The following SLC23A2 variants were observed in gnomAD, a reference collection of about 807,000 sequenced individuals.
SLC23A2 encodes the protein Na(+)/L-ascorbic acid transporter 2.
SLC23A2 carries 36 observed loss-of-function variants against 73.3 expected under a neutral mutation model. That is an observed-to-expected ratio of 0.49 (90% confidence interval 0.38 to 0.65). The LOEUF (loss-of-function observed/expected upper bound fraction) is 0.65, where lower values mean the gene tolerates loss of function less well. Among genes scored for constraint, SLC23A2 ranks in the 30% least tolerant of loss-of-function variants. The pLI, the probability that SLC23A2 is intolerant of heterozygous loss-of-function variation, is 0.00. For missense variants in SLC23A2, 507 were observed against 841.6 expected, an observed-to-expected ratio of 0.60 and a Z score of 4.92; for synonymous variants, 343 against 327.3, an observed-to-expected ratio of 1.05 and a Z score of -0.52.
chr20:4,871,769 C>T (rs535974342), intron 11 of SLC23A2, among the ~76,000 whole-genome samples: 1 of 152,242 alleles, frequency 6.6e-6, no homozygotes, highest in African/African-American at 2.4e-5. Context: ...GCCTGCTCAA[C>T]GTATCAGCTC....
chr20:4,986,172 C>A (rs1327799287), intron 1 of SLC23A2, among the ~76,000 whole-genome samples: 2 of 152,004 alleles, frequency 1.3e-5, no homozygotes, highest in Non-Finnish European at 2.9e-5. Flanking sequence ...AGTACACGGC[C>A]TAAAAGGTTA....
Position 4,874,030 on chromosome 20 carries a change from G to A in SLC23A2, c.1008C>T (p.Phe336=), listed in dbSNP as rs1318448630. The part of the protein sequence containing the change: ...LCFIFTVTDV[F]PPDSTKYGFY... ...AGCCATACTTTGTGCTGTCGGGAGG[G>A]AAGACATCTGTCACCGTGAAGATGA... Residue 336 remains phenylalanine (F), a synonymous_variant, in exon 11 of 17, where the codon TTC becomes TTT. Transcript: ENST00000338244. 1 of 1,614,044 alleles carries A rather than the reference G, an allele frequency of 6.2e-7. No homozygotes were observed. Among genetic ancestry groups the A allele is most frequent in the Non-Finnish European group, 8.5e-7 (1 of 1,180,006 alleles).
intron 1 of SLC23A2, among the ~76,000 whole-genome samples, chr20:4,992,604 G>A (rs778637291): frequency 8.7e-5 from 13 of 149,412 alleles, no homozygotes; most frequent in East Asian, 2.0e-4. Context: ...TCCACCTCCC[G>A]GGTTCGAGTG....
At chr20:4,913,456 T>C (rs1932226028) in intron 3 of SLC23A2, among the ~76,000 whole-genome samples, 1 of 152,174 alleles carries the variant, frequency 6.6e-6, no homozygotes. Flanking sequence ...TGCCAGCCAG[T>C]AGCAAGAGCC....
At chr20:4,878,195 C>CT (rs201124564) in intron 9 of SLC23A2, among the ~76,000 whole-genome samples, 149 of 150,876 alleles carry the variant, frequency 9.9e-4, no homozygotes, top group African/African-American at 2.6e-3. Flanking sequence ...ATTTTCCCAG[C>CT]TTTTTTTTTG....
At chr20:4,968,207 G>A (rs2087505099) in intron 2 of SLC23A2, among the ~76,000 whole-genome samples, 3 of 152,186 alleles carry the variant, frequency 2.0e-5, no homozygotes, top group African/African-American at 7.2e-5. Context: ...GAAGTTGTCA[G>A]GAATGACTTT....
chr20:4,929,766 A>T (rs1449302270), intron 3 of SLC23A2, among the ~76,000 whole-genome samples: 1 of 152,244 alleles, frequency 6.6e-6, no homozygotes, highest in Non-Finnish European at 1.5e-5. Context: ...GTATACAAAA[A>T]ATAAGTAAAC....
intron 2 of SLC23A2, among the ~76,000 whole-genome samples, chr20:4,943,903 G>A (rs1323576751): frequency 1.3e-5 from 2 of 152,246 alleles, no homozygotes; most frequent in South Asian, 2.1e-4. Context: ...CAGACATTTC[G>A]TTAAAGCAGC....
At position 4,870,020 on chromosome 20, in the gene SLC23A2, CCGGCCGCAGACA is replaced by C; in HGVS notation, c.1124_1135del (p.Val375_Ala378del). On this transcript the variant is annotated inframe_deletion, in exon 12 of 17. Transcript: ENST00000338244. ...CACGGCACTGAGCATGCCGATGACA[CCGGCCGCAGACA>C]CGGTGGGCAGTCCCCACTGAACTGT... The C allele has an allele frequency of 1.9e-6, 3 of 1,612,522 alleles. No individual in the cohort carries two copies. Among genetic ancestry groups the C allele is most frequent in the Non-Finnish European group, 2.5e-6 (3 of 1,179,178 alleles).
intron 1 of SLC23A2, among the ~76,000 whole-genome samples, chr20:4,993,330 C>T (rs1600214572): frequency 1.4e-5 from 2 of 143,176 alleles, no homozygotes; most frequent in African/African-American, 5.1e-5. Flanking sequence ...AAAGGAAACG[C>T]TCACTGAAGC....
chr20:4,990,739 G>A (rs992955248), intron 1 of SLC23A2, among the ~76,000 whole-genome samples: 12 of 150,986 alleles, frequency 7.9e-5, no homozygotes, highest in Non-Finnish European at 1.6e-4. Context: ...TCCCAGCACT[G>A]TTGGAGGCCA....
intron 1 of SLC23A2, among the ~76,000 whole-genome samples, chr20:4,975,478 T>C (rs1183699775): frequency 4.6e-5 from 7 of 152,044 alleles, no homozygotes; most frequent in Admixed American, 1.3e-4. Context: ...CATCCCGGGT[T>C]CAAGCCATTC....
intron 1 of SLC23A2, among the ~76,000 whole-genome samples, chr20:4,976,986 T>A (rs2087652497): frequency 1.3e-5 from 2 of 151,542 alleles, no homozygotes; most frequent in Non-Finnish European, 2.9e-5. Context: ...AAAAAAAAAA[T>A]AACAAAAATG....
chr20:4,964,391 C>T lies in SLC23A2; in HGVS notation c.-155+6402G>A, dbSNP rs888976650. Among the ~76,000 whole-genome samples, 8 of 152,068 alleles carry T rather than the reference C, an allele frequency of 5.3e-5. No individual in the cohort carries two copies. The South Asian group carries it at 8.3e-4, about 16-fold the overall frequency. On this transcript the variant is annotated intron_variant, in intron 2 of 16. Coordinates refer to ENST00000338244, the MANE Select transcript of SLC23A2 (RefSeq NM_005116.6). ...CAATTTTACTCTTAAGGAATTTATC[C>T]TAGCAAAATAATTAAAACAGGCTTA...
intron 6 of SLC23A2, among the ~76,000 whole-genome samples, chr20:4,891,961 C>T (rs1020572885): frequency 2.0e-5 from 3 of 151,902 alleles, no homozygotes; most frequent in Non-Finnish European, 4.4e-5. Flanking sequence ...CTTATGTTGC[C>T]CAGGCTGGTC....
intron 4 of SLC23A2, among the ~76,000 whole-genome samples, chr20:4,909,785 G>A (rs915871837): frequency 9.9e-5 from 15 of 151,948 alleles, no homozygotes; most frequent in African/African-American, 3.6e-4. Context: ...TCAAACTCCT[G>A]AGCTCAGGCA....
At chr20:4,986,528 G>T (rs924468917) in intron 1 of SLC23A2, among the ~76,000 whole-genome samples, 1 of 151,918 alleles carries the variant, frequency 6.6e-6, no homozygotes, top group Admixed American at 6.6e-5. Flanking sequence ...TGGCTAAACT[G>T]TTCTTGAACT....
In SLC23A2 at chr20:4,856,275, C is replaced by A. The variant is rs1391460230; in HGVS notation, c.*697G>T. 1 of 152,302 alleles carries A rather than the reference C, an allele frequency of 6.6e-6. No individual in the cohort carries two copies. Among genetic ancestry groups the A allele is most frequent in the African/African-American group, 2.4e-5 (1 of 41,518 alleles). The allele number at this position is 152,302 out of a possible 1,614,324, so 9.4% of individuals were successfully genotyped here. A position where few individuals can be genotyped will look rare whatever the true frequency, so the allele number is the denominator to read the frequency against. ...TGTGCACGTGCTGGCCCGGTCAGGG[C>A]CAGGGTGGCCAAGAGAAGGTGCAGC... On this transcript the variant is annotated 3_prime_UTR_variant, in exon 17 of 17. Transcript: ENST00000338244. This position sits in a 1 kb window ranked among gnomAD's most constrained non-coding sequence, Gnocchi z 4.6.
At position 4,934,842 on chromosome 20, in the gene SLC23A2, A is replaced by G. The variant is rs1192960727; in HGVS notation, c.-154-2126T>C. 4.0e-5 allele frequency among the ~76,000 whole-genome samples: 6 copies of G among 149,116 alleles called. No individual in the cohort carries two copies. In the East Asian group the frequency reaches 8.1e-4, roughly 20 times the overall value. On this transcript the variant is annotated intron_variant, in intron 2 of 16. Transcript: ENST00000338244. ...TGCGCCATTGTACTCCAGCCTGGGC[A>G]AAAGAGTGAGACTCTGTCTAAAAAA...
Sources: allele counts gnomAD v4.1 joint callset (sites outside exome capture counted in the v4.1 genomes callset), GRCh38; gene constraint gnomAD v4.1.1; non-coding constraint Gnocchi (gnomAD v3.1); transcripts MANE v1.5; gene names NCBI Gene and HGNC (gene_info 2026-07-23, HGNC 2026-07-21).